The following DERL1 variants were observed in gnomAD, a reference collection of about 807,000 sequenced individuals.
The protein encoded by DERL1 is derlin-1.
Under a neutral mutation model 41.6 loss-of-function variants are expected in DERL1, and 24 were observed. That is an observed-to-expected ratio of 0.58 (90% CI 0.42 to 0.81). The LOEUF is 0.81. Ranked by LOEUF, DERL1 falls within the 30% of genes least tolerant of loss-of-function variation. The probability of loss-of-function intolerance (pLI) is 0.00; values close to 1 mark genes in which losing one functional copy is unlikely to be tolerated. For missense variants in DERL1, 260 were observed against 314.3 expected (o/e 0.83, Z 1.31); for synonymous variants, 124 against 112.5 (o/e 1.10, Z -0.65).
intron 1 of DERL1, among the ~76,000 whole-genome samples, chr8:123,036,190 G>T (rs970213993): frequency 6.6e-6 from 1 of 152,096 alleles, no homozygotes; most frequent in Non-Finnish European, 1.5e-5. Flanking sequence ...ACATGTATTA[G>T]AATGTTCATA....
intron 1 of DERL1, among the ~76,000 whole-genome samples, chr8:123,033,683 C>T (rs1812864614): frequency 6.6e-6 from 1 of 152,134 alleles, no homozygotes; most frequent in Non-Finnish European, 1.5e-5. Flanking sequence ...GCAGAGGTTG[C>T]AGTGAGCCGA....
chr8:123,027,364 A>C (rs1475984633), intron 2 of DERL1, among the ~76,000 whole-genome samples: 2 of 151,904 alleles, frequency 1.3e-5, no homozygotes, highest in African/African-American at 4.8e-5. Flanking sequence ...GATTGAATGA[A>C]AAGGGAGAAT....
At chr8:123,036,108 A>G (rs909412619) in intron 1 of DERL1, among the ~76,000 whole-genome samples, 1 of 152,178 alleles carries the variant, frequency 6.6e-6, no homozygotes, top group African/African-American at 2.4e-5. Context: ...GAAGCCATCA[A>G]ATCTACTCCT....
At chr8:123,024,852 A>T in intron 3 of DERL1, 134 bp downstream of exon 3, 2 of 856,612 alleles carry the variant, frequency 2.3e-6, no homozygotes, top group Non-Finnish European at 3.5e-6. Flanking sequence ...AAAAAACTAT[A>T]ATTATTCTTA....
chr8:123,039,717 TTTTCAGTCCTA>T (rs1424181973), intron 1 of DERL1, among the ~76,000 whole-genome samples: 1 of 152,130 alleles, frequency 6.6e-6, no homozygotes, highest in African/African-American at 2.4e-5. Flanking sequence ...CTCTGAAACC[TTTTCAGTCCTA>T]TTTACTATTG....
At chr8:123,019,419 T>A in intron 6 of DERL1, 114 bp from the exon 7 acceptor site, 2 of 703,518 alleles carry the variant, frequency 2.8e-6, no homozygotes, top group Non-Finnish European at 4.9e-6. Flanking sequence ...TCCCTGGGAG[T>A]CTGTGAGAGC....
intron 1 of DERL1, among the ~76,000 whole-genome samples, chr8:123,032,101 C>T (rs1470255087): frequency 2.0e-5 from 3 of 151,950 alleles, no homozygotes; most frequent in African/African-American, 7.3e-5. Flanking sequence ...AAAACCTGAG[C>T]ATTTCCTTTA....
rs1814465464 is a variant in DERL1 at position 123,013,405 on chromosome 8, G to C, written c.*2042C>G. The C allele has an allele frequency of 6.6e-6, 1 of 152,036 alleles. No homozygotes were observed. The allele number at this position is 152,036 out of a possible 1,614,324, so 9.4% of individuals were successfully genotyped here. On this transcript the variant is annotated 3_prime_UTR_variant, in exon 8 of 8. Transcript: ENST00000259512. ...AATAAAAAGGATTAGTTTACAAAAA[G>C]GGAAGTCCTTTATACAAAATAAGGA... is the stretch of plus-strand genomic sequence containing the variant.
chr8:123,023,021 CT>C (rs2130466684), intron 4 of DERL1, among the ~76,000 whole-genome samples: 2 of 152,290 alleles, frequency 1.3e-5, no homozygotes, highest in Non-Finnish European at 2.9e-5. Context: ...GAGTCAAGCT[CT>C]GTTATTTACA....
intron 5 of DERL1, among the ~76,000 whole-genome samples, chr8:123,022,109 C>T (rs1812561280): frequency 6.6e-6 from 1 of 152,176 alleles, no homozygotes; most frequent in Non-Finnish European, 1.5e-5. Context: ...ACTCAAATAA[C>T]TTTACAGCTA....
chr8:123,026,926 T>TA (rs1563632161), intron 2 of DERL1, among the ~76,000 whole-genome samples: 1 of 152,094 alleles, frequency 6.6e-6, no homozygotes, highest in Non-Finnish European at 1.5e-5. Flanking sequence ...GTAAAAGACA[T>TA]AAGTCACAAA....
At chr8:123,031,557 T>A (rs1326871295) in intron 1 of DERL1, among the ~76,000 whole-genome samples, 4 of 152,080 alleles carry the variant, frequency 2.6e-5, no homozygotes, top group Admixed American at 6.6e-5. Flanking sequence ...AAATTAAATT[T>A]AATTTAATTA....
intron 1 of DERL1, among the ~76,000 whole-genome samples, chr8:123,041,455 G>A (rs1813064148): frequency 6.6e-6 from 1 of 152,196 alleles, no homozygotes; most frequent in African/African-American, 2.4e-5. Flanking sequence ...ATTAGGTCTA[G>A]AGGGAAATGC....
At chr8:123,034,670 GTAT>G (rs1812886883) in intron 1 of DERL1, among the ~76,000 whole-genome samples, 1 of 152,240 alleles carries the variant, frequency 6.6e-6, no homozygotes, top group Non-Finnish European at 1.5e-5. Flanking sequence ...AATGGCGTCA[GTAT>G]TATGAGGTAC....
Sources: gnomAD v4.1 joint callset for allele counts (sites outside exome capture counted in the v4.1 genomes callset) on GRCh38, gnomAD v4.1.1 for gene constraint, MANE v1.5 for transcripts, NCBI Gene and HGNC (gene_info 2026-07-23, HGNC 2026-07-21) for gene names.